RHBDL1: variants seen among roughly 807,000 people sequenced by gnomAD.
RHBDL1 encodes the protein rhomboid like 1.
RHBDL1 carries 21 observed loss-of-function variants against 34.0 expected under a neutral mutation model. The ratio of observed to expected loss-of-function variants is 0.62; its 90% confidence interval spans 0.44 to 0.89. RHBDL1 has a LOEUF of 0.89. Among genes scored for constraint, RHBDL1 ranks in the 40% least tolerant of loss-of-function variants. The probability of loss-of-function intolerance (pLI) is 0.00; values close to 1 mark genes in which losing one functional copy is unlikely to be tolerated. For missense variants in RHBDL1, 450 were observed against 530.6 expected, an observed-to-expected ratio of 0.85 and a Z score of 1.49; for synonymous variants, 268 against 234.8, an observed-to-expected ratio of 1.14 and a Z score of -1.29.
chr16:677,204 TGAG>T, intron 4 of RHBDL1, 69 bp from the exon 5 acceptor site: 1 of 1,569,610 alleles, frequency 6.4e-7, no homozygotes, highest in Non-Finnish European at 8.7e-7. Flanking sequence ...TGCGGCAACT[TGAG>T]GTGACGGCTG....
chr16:677,149 G>A (rs764229992), intron 4 of RHBDL1, 30 bp downstream of exon 4: 10 of 1,581,348 alleles, frequency 6.3e-6, no homozygotes, highest in African/African-American at 4.0e-5. Context: ...GGTGAGCCCC[G>A]CCCCAACCTG....
Position 677,009 on chromosome 16 carries a change from G to A in RHBDL1, c.465G>A (p.Lys155=). Residue 155 remains lysine (K), a synonymous_variant, in exon 4 of 8, where the codon AAG becomes AAA. Coordinates refer to ENST00000352681, the MANE Select transcript of RHBDL1 (RefSeq NM_001278720.2). ...TGTGTTACGGGGCCCGCCTCAACAA[G>A]TGGGTGCTGCAGACCTACCACCCCG... ...VFLCYGARLN[K]WVLQTYHPEY... 6.2e-7 allele frequency: 1 copy of A among 1,612,900 alleles called. No homozygotes were observed. The highest frequency in any genetic ancestry group is 8.5e-7 in the Non-Finnish European group (1 of 1,179,958).
In RHBDL1 at chr16:675,839, G is replaced by A; in HGVS notation, c.39+10G>A. ...GCTCATCCAGGAGCAGGTGCGTCGGGGGGTGGTCTGGGGAGCTGGCACCGC... is the reference window on the plus strand; with the variant it reads ...GCTCATCCAGGAGCAGGTGCGTCGGAGGGTGGTCTGGGGAGCTGGCACCGC... On this transcript the variant is annotated intron_variant, in intron 1 of 7. Transcript: ENST00000352681. The A allele has an allele frequency of 6.6e-7, 1 of 1,513,666 alleles. No individual in the cohort carries two copies. Among genetic ancestry groups the A allele is most frequent in the Non-Finnish European group, 8.8e-7 (1 of 1,133,186 alleles). 93.8% of individuals were successfully genotyped at this position (1,513,666 alleles called of 1,614,324 possible). A position where few individuals can be genotyped will look rare whatever the true frequency, so the allele number is the denominator to read the frequency against.
chr16:676,030 G>T lies in RHBDL1; in HGVS notation c.39+201G>T. 7.0e-7 allele frequency: 1 copy of T among 1,437,970 alleles called. No homozygotes were observed. The highest frequency in any genetic ancestry group is 9.2e-7 in the Non-Finnish European group (1 of 1,092,082). The allele number at this position is 1,437,970 out of a possible 1,614,324, so 89.1% of individuals were successfully genotyped here. A position where few individuals can be genotyped will look rare whatever the true frequency, so the allele number is the denominator to read the frequency against. ...CTCCTGGCTGGAGAAGGGAGAGTCGGGGGGAGGGAGGGAGGGAGGGAGGGA... is the reference window on the plus strand; with the variant it reads ...CTCCTGGCTGGAGAAGGGAGAGTCGTGGGGAGGGAGGGAGGGAGGGAGGGA... On this transcript the variant is annotated intron_variant, in intron 1 of 7. Transcript: ENST00000352681. The surrounding 1 kb of genome is among the most constrained non-coding windows in gnomAD (Gnocchi z 6.9).
At position 675,842 on chromosome 16, in the gene RHBDL1, G is replaced by A. The variant is rs1267339591; in HGVS notation, c.39+13G>A. On this transcript the variant is annotated intron_variant, in intron 1 of 7. Transcript: ENST00000352681. ...CATCCAGGAGCAGGTGCGTCGGGGG[G>A]TGGTCTGGGGAGCTGGCACCGCCCC... 2.6e-6 allele frequency: 4 copies of A among 1,514,602 alleles called. No homozygotes were observed. The highest frequency in any genetic ancestry group is 4.1e-5 in the Admixed American group (2 of 49,134). The allele number at this position is 1,514,602 out of a possible 1,614,324, so 93.8% of individuals were successfully genotyped here.
chr16:677,757 C>T (rs2039575655), intron 7 of RHBDL1, 24 bp from the exon 8 acceptor site: 4 of 1,520,558 alleles, frequency 2.6e-6, no homozygotes, highest in Middle Eastern at 1.8e-4. Context: ...CAGGGCACCT[C>T]CCACCTGCCG....
Sources: gnomAD v4.1 joint callset for allele counts on GRCh38, gnomAD v4.1.1 for gene constraint, Gnocchi (gnomAD v3.1) non-coding constraint, MANE v1.5 for transcripts, NCBI Gene and HGNC (gene_info 2026-07-23, HGNC 2026-07-21) for gene names.